CORIN: variants seen among roughly 807,000 people sequenced by gnomAD.
CORIN encodes the protein corin, serine peptidase, also known as atrial natriuretic peptide-converting enzyme.
In CORIN, 117 loss-of-function variants were observed where a neutral mutation model predicts 125.3. The observed-to-expected ratio is 0.93, with a 90% confidence interval of 0.80 to 1.09. The LOEUF is 1.09. Ranked by LOEUF, CORIN falls within the 50% of genes least tolerant of loss-of-function variation. The pLI, the probability that CORIN is intolerant of heterozygous loss-of-function variation, is 0.00. For missense variants in CORIN, 1,253 were observed against 1,306.7 expected (o/e 0.96, Z 0.63); for synonymous variants, 450 against 466.4 (o/e 0.96, Z 0.45).
intron 13 of CORIN, among the ~76,000 whole-genome samples, chr4:47,648,425 C>G (rs1326343145): frequency 4.6e-5 from 7 of 152,176 alleles, no homozygotes; most frequent in Admixed American, 4.6e-4. Context: ...CCCCATCAGT[C>G]CCAGGCAGAT....
chr4:47,626,793 A>G (rs1722588253), intron 16 of CORIN, among the ~76,000 whole-genome samples: 1 of 152,244 alleles, frequency 6.6e-6, no homozygotes, highest in Non-Finnish European at 1.5e-5. Context: ...GGCAGAGATC[A>G]AAAGTAAAAT....
At chr4:47,678,508 C>A (rs1460567647) in intron 8 of CORIN, among the ~76,000 whole-genome samples, 1 of 152,198 alleles carries the variant, frequency 6.6e-6, no homozygotes, top group African/African-American at 2.4e-5. Flanking sequence ...TGAAGGCAAG[C>A]TTTTTGGACT....
chr4:47,728,032 A>T lies in CORIN; in HGVS notation c.799+16370T>A, dbSNP rs139310951. 4.4e-3 allele frequency among the ~76,000 whole-genome samples: 675 copies of T among 152,288 alleles called. 3 individuals are homozygous for T. Among genetic ancestry groups the T allele is most frequent in the Middle Eastern group, 0.017 (5 of 294 alleles). ...TAAATGTGTGCAGGGTTTCAGACAC[A>T]AAATAAACATATGGATAGAGCAGGT... is the stretch of plus-strand genomic sequence containing the variant. On this transcript the variant is annotated intron_variant, in intron 5 of 21. Transcript: ENST00000273857.
At chr4:47,682,251 GA>G (rs1457292239) in intron 7 of CORIN, 20 of 151,984 alleles carry the variant, frequency 1.3e-4, no homozygotes, top group African/African-American at 4.3e-4. Context: ...AGACCAGCCT[GA>G]CCAACATGAA....
chr4:47,776,296 G>T (rs1000954596), intron 3 of CORIN, among the ~76,000 whole-genome samples: 4 of 151,058 alleles, frequency 2.6e-5, no homozygotes, highest in African/African-American at 9.8e-5. Context: ...ATTTTGGGGG[G>T]TTTTTTTGAG....
chr4:47,695,148 G>A (rs1280073339), intron 5 of CORIN, among the ~76,000 whole-genome samples: 4 of 152,014 alleles, frequency 2.6e-5, no homozygotes, highest in Non-Finnish European at 4.4e-5. Context: ...ACTCCTAAAC[G>A]ATTCATAGAA....
intron 1 of CORIN, among the ~76,000 whole-genome samples, chr4:47,836,157 G>A (rs1577966712): frequency 6.6e-6 from 1 of 152,148 alleles, no homozygotes; most frequent in Admixed American, 6.5e-5. Flanking sequence ...CCACACGTGA[G>A]TCTATGCAGA....
chr4:47,628,658 C>A (rs1242105622), intron 16 of CORIN, among the ~76,000 whole-genome samples: 1 of 152,178 alleles, frequency 6.6e-6, no homozygotes, highest in East Asian at 1.9e-4. Flanking sequence ...ACATTCTACT[C>A]TCTGCATTTA....
chr4:47,668,729 C>T (rs902815889), intron 10 of CORIN, among the ~76,000 whole-genome samples: 2 of 152,020 alleles, frequency 1.3e-5, no homozygotes, highest in African/African-American at 4.8e-5. Context: ...CTCTTTTTTA[C>T]ATGTGGAGAA....
At chr4:47,673,086 T>C (rs75766323) in intron 10 of CORIN, among the ~76,000 whole-genome samples, 233 of 152,128 alleles carry the variant, frequency 1.5e-3, no homozygotes, top group African/African-American at 5.3e-3. Context: ...CCTGGCTGGG[T>C]GCAGTGGCTC....
intron 1 of CORIN, among the ~76,000 whole-genome samples, chr4:47,813,807 C>T (rs1458992603): frequency 6.6e-6 from 1 of 152,160 alleles, no homozygotes; most frequent in Non-Finnish European, 1.5e-5. Context: ...GATGTACAAA[C>T]AGTACTTGCT....
chr4:47,735,973 C>G (rs1728116460), intron 5 of CORIN, among the ~76,000 whole-genome samples: 1 of 142,722 alleles, frequency 7.0e-6, no homozygotes, highest in African/African-American at 2.6e-5. Flanking sequence ...AAAGAGGATA[C>G]TAATAATGTT....
rs1213823256 is a variant in CORIN, at chr4:47,674,405, G to T, written c.1345C>A (p.Leu449Met). The T allele has an allele frequency of 3.1e-6, 5 of 1,609,656 alleles. No homozygotes were observed. Among genetic ancestry groups the T allele is most frequent in the South Asian group, 2.2e-5 (2 of 90,972 alleles). Reference protein sequence around the residue: ...GSSLCDPNNSLNNCSQCEPIT... With the variant: ...GSSLCDPNNSMNNCSQCEPIT... ...CTGTTGTACTTACTACAGTTATTCA[G>T]ACTGTTGTTCGGGTCACAGAGAGAG... Residue 449 changes from leucine (L) to methionine (M), a missense_variant, in exon 10 of 22, where the codon CTG (leucine) becomes ATG (methionine). Coordinates refer to ENST00000273857, the MANE Select transcript of CORIN (RefSeq NM_006587.4).
intron 12 of CORIN, among the ~76,000 whole-genome samples, chr4:47,654,380 C>G (rs957743931): frequency 6.6e-6 from 1 of 152,196 alleles, no homozygotes; most frequent in Non-Finnish European, 1.5e-5. Flanking sequence ...TATAAGCAAT[C>G]ATAGTACCTG....
At chr4:47,771,097 T>G (rs188177906) in intron 3 of CORIN, among the ~76,000 whole-genome samples, 10 of 152,174 alleles carry the variant, frequency 6.6e-5, no homozygotes, top group Non-Finnish European at 8.8e-5. Flanking sequence ...TTACAACAAC[T>G]TTTTTCATAT....
At chr4:47,701,703 G>A (rs1400285577) in intron 5 of CORIN, among the ~76,000 whole-genome samples, 1 of 151,360 alleles carries the variant, frequency 6.6e-6, no homozygotes, top group Admixed American at 6.6e-5. Context: ...TTTTTAAAAG[G>A]CAGAGTAAAA....
chr4:47,669,770 C>T (rs1211103565), intron 10 of CORIN, among the ~76,000 whole-genome samples: 2 of 152,064 alleles, frequency 1.3e-5, no homozygotes, highest in African/African-American at 2.4e-5. Flanking sequence ...GGGGTTTCAC[C>T]ATGTTAGCCA....
chr4:47,632,773 ATAGT>A (rs775064012), intron 16 of CORIN, among the ~76,000 whole-genome samples: 1 of 135,622 alleles, frequency 7.4e-6, no homozygotes, highest in African/African-American at 2.7e-5. Context: ...ATAGAGATAG[ATAGT>A]TAGATAGATT....
intron 5 of CORIN, among the ~76,000 whole-genome samples, chr4:47,720,852 C>A (rs17654441): frequency 0.098 from 14,931 of 152,122 alleles, 865 homozygotes; most frequent in East Asian, 0.27. Flanking sequence ...ACAGTGAAGT[C>A]CTAGGTCTTT....
Sources: allele counts gnomAD v4.1 joint callset (sites outside exome capture counted in the v4.1 genomes callset), GRCh38; gene constraint gnomAD v4.1.1; transcripts MANE v1.5; gene names NCBI Gene and HGNC (gene_info 2026-07-23, HGNC 2026-07-21).